HS1BP3: variants seen among roughly 807,000 people sequenced by gnomAD.
HS1BP3 encodes HCLS1-binding protein 3.
HS1BP3 carries 32 observed loss-of-function variants against 33.5 expected under a neutral mutation model. The observed-to-expected ratio is 0.95, with a 90% CI of 0.72 to 1.28. The LOEUF is 1.28. HS1BP3 is among the 50% of genes most tolerant of loss of function. The pLI, the probability that HS1BP3 is intolerant of heterozygous loss-of-function variation, is 0.00. For synonymous variants in HS1BP3, 187 were observed against 209.2 expected, an observed-to-expected ratio of 0.89 and a Z score of 0.92; for missense variants, 486 against 502.3, an observed-to-expected ratio of 0.97 and a Z score of 0.31.
chr2:20,558,227 T>C (rs1692887203), downstream of HS1BP3, among the ~76,000 whole-genome samples: 1 of 152,060 alleles, frequency 6.6e-6, no homozygotes, highest in African/African-American at 2.4e-5. Flanking sequence ...GGGAATAGCA[T>C]TGAAGGGCTC....
chr2:20,562,282 C>A (rs779922773), intron 5 of HS1BP3, among the ~76,000 whole-genome samples: 4 of 152,046 alleles, frequency 2.6e-5, no homozygotes, highest in Non-Finnish European at 5.9e-5. Context: ...AGTTTGACAC[C>A]AGCCTGGGCA....
chr2:20,561,629 A>G (rs2149269465), intron 5 of HS1BP3, among the ~76,000 whole-genome samples: 1 of 152,304 alleles, frequency 6.6e-6, no homozygotes, highest in South Asian at 2.1e-4. Flanking sequence ...AACACTTGGA[A>G]CATTTTATTG....
At chr2:20,609,082 A>T (rs113551648) in intron 2 of HS1BP3, among the ~76,000 whole-genome samples, 3,894 of 152,332 alleles carry the variant, frequency 0.026, 71 homozygotes, top group Middle Eastern at 0.071. Flanking sequence ...CCCAGAGAGA[A>T]CTGATGCCCA....
At chr2:20,612,151 A>G (rs1694330498) in intron 2 of HS1BP3, among the ~76,000 whole-genome samples, 1 of 152,216 alleles carries the variant, frequency 6.6e-6, no homozygotes, top group Non-Finnish European at 1.5e-5. Context: ...CCCATTTTAT[A>G]GAGGAGGAAA....
downstream of HS1BP3, chr2:20,592,391 C>G (rs1693838540): frequency 6.0e-6 from 1 of 166,524 alleles, no homozygotes; most frequent in Non-Finnish European, 1.5e-5. Context: ...TCTGACCTCC[C>G]CCATCCATCA....
chr2:20,624,096 C>T, intron 5 of HS1BP3, 65 bp from the exon 6 acceptor site: 2 of 1,564,630 alleles, frequency 1.3e-6, no homozygotes, highest in South Asian at 2.3e-5. Flanking sequence ...TGGCTGCTCT[C>T]TCTCTGCCCC....
chr2:20,616,054 A>G (rs917401620), downstream of HS1BP3, among the ~76,000 whole-genome samples: 5 of 152,230 alleles, frequency 3.3e-5, no homozygotes, highest in Non-Finnish European at 5.9e-5. Context: ...GTGGGACCCC[A>G]GCCATAGACA....
chr2:20,588,633 G>T (rs1693739317), downstream of HS1BP3, among the ~76,000 whole-genome samples: 1 of 152,198 alleles, frequency 6.6e-6, no homozygotes, highest in South Asian at 2.1e-4. Flanking sequence ...AGCCTTCCAA[G>T]CCGATTTTTC....
intron 4 of HS1BP3, among the ~76,000 whole-genome samples, chr2:20,632,021 C>T (rs1464475334): frequency 3.9e-5 from 6 of 152,214 alleles, no homozygotes; most frequent in Admixed American, 3.9e-4. Flanking sequence ...TAAATTTTTC[C>T]CCATTTCCAG....
chr2:20,569,798 C>A (rs982197667), intron 5 of HS1BP3, among the ~76,000 whole-genome samples: 1 of 152,222 alleles, frequency 6.6e-6, no homozygotes, highest in African/African-American at 2.4e-5. Context: ...TCTAGAGTAT[C>A]CAGGAAGCCC....
At chr2:20,554,253 G>T in the HS1BP3 span, among the ~76,000 whole-genome samples, 1 of 152,204 alleles carries the variant, frequency 6.6e-6, no homozygotes, top group Non-Finnish European at 1.5e-5. Context: ...TCACTTGTAA[G>T]ATGTGCAGAA....
downstream of HS1BP3, among the ~76,000 whole-genome samples, chr2:20,617,497 G>T (rs570929380): frequency 7.9e-5 from 12 of 152,290 alleles, no homozygotes; most frequent in South Asian, 6.2e-4. Context: ...CTCAGGACAG[G>T]GCGCCACAGC....
chr2:20,592,966 C>T (rs1693853894), intron 3 of HS1BP3, among the ~76,000 whole-genome samples: 1 of 152,198 alleles, frequency 6.6e-6, no homozygotes, highest in Non-Finnish European at 1.5e-5. Flanking sequence ...CACGATATCA[C>T]CTCCTTAAGG....
chr2:20,559,540 G>A (rs1294715865), downstream of HS1BP3, among the ~76,000 whole-genome samples: 2 of 151,846 alleles, frequency 1.3e-5, no homozygotes, highest in Non-Finnish European at 2.9e-5. Flanking sequence ...ATGGATGCAT[G>A]GATGGATAGG....
At chr2:20,591,674 T>G (rs890636428), downstream of HS1BP3, among the ~76,000 whole-genome samples, 4 of 152,146 alleles carry the variant, frequency 2.6e-5, no homozygotes, top group African/African-American at 9.7e-5. Flanking sequence ...TGTGTTCAAG[T>G]GATTCTCATG....
rs539338477 is a variant in HS1BP3 at position 20,648,868 on chromosome 2, A to G, written c.32+2164T>C. Among the ~76,000 whole-genome samples, 3 of 152,358 alleles carry G rather than the reference A, an allele frequency of 2.0e-5. No homozygotes were observed. In the South Asian group the frequency reaches 6.2e-4, roughly 32 times the overall value. On this transcript the variant is annotated intron_variant, in intron 1 of 6. Transcript: ENST00000304031. ...TGCTAAAGGGCAGCCTCATTCTTCC[A>G]GCAGCTTAGGCTGAGAGACTTGCCG... is the stretch of plus-strand genomic sequence containing the variant.
intron 2 of HS1BP3, among the ~76,000 whole-genome samples, chr2:20,603,949 G>A (rs111645926): frequency 0.06 from 9,172 of 152,186 alleles, 314 homozygotes; most frequent in African/African-American, 0.08. Flanking sequence ...TGCCCAGTGG[G>A]CCTGCACTGG....
At chr2:20,566,480 A>C (rs1456512611) in intron 5 of HS1BP3, among the ~76,000 whole-genome samples, 1 of 152,182 alleles carries the variant, frequency 6.6e-6, no homozygotes, top group Non-Finnish European at 1.5e-5. Flanking sequence ...CAAGGAAGAC[A>C]AGGAGGAGCA....
intron 5 of HS1BP3, 133 bp from the exon 6 acceptor site, chr2:20,624,164 A>C: frequency 8.9e-7 from 1 of 1,123,678 alleles, no homozygotes; most frequent in East Asian, 2.7e-5. Context: ...TCAACCTGTC[A>C]TAACTGGTGC....
Sources: allele counts gnomAD v4.1 joint callset (sites outside exome capture counted in the v4.1 genomes callset), GRCh38; gene constraint gnomAD v4.1.1; transcripts MANE v1.5; gene names NCBI Gene and HGNC (gene_info 2026-07-23, HGNC 2026-07-21).